The following TMTC2 variants were observed in gnomAD, a reference collection of about 807,000 sequenced individuals.
TMTC2 encodes protein O-mannosyl-transferase TMTC2.
A neutral mutation model predicts 82.4 loss-of-function variants in TMTC2; 43 were observed. The ratio of observed to expected loss-of-function variants is 0.52; its 90% CI spans 0.41 to 0.67. The LOEUF is 0.67. TMTC2 is among the 30% of genes least tolerant of loss of function. The pLI is 0.00. For missense variants in TMTC2, 919 were observed against 1,012.4 expected, an observed-to-expected ratio of 0.91 and a Z score of 1.25; for synonymous variants, 408 against 381.9, an observed-to-expected ratio of 1.07 and a Z score of -0.80.
intron 1 of TMTC2, among the ~76,000 whole-genome samples, chr12:82,786,357 G>T (rs539037459): frequency 1.3e-5 from 2 of 152,174 alleles, no homozygotes; most frequent in East Asian, 3.9e-4. Flanking sequence ...TAATGGAAAG[G>T]TATCACAAGG....
At chr12:83,016,590 C>G (rs1220223240) in intron 8 of TMTC2, among the ~76,000 whole-genome samples, 1 of 152,178 alleles carries the variant, frequency 6.6e-6, no homozygotes, top group Non-Finnish European at 1.5e-5. Context: ...TCCAGTGCTG[C>G]ACACAATGCC....
At chr12:82,924,385 A>G (rs1417800347) in intron 3 of TMTC2, among the ~76,000 whole-genome samples, 4 of 152,200 alleles carry the variant, frequency 2.6e-5, no homozygotes, top group African/African-American at 9.7e-5. Context: ...TGGGTTATAC[A>G]GTGACGTTTT....
At chr12:82,917,725 C>T (rs559678158) in intron 3 of TMTC2, among the ~76,000 whole-genome samples, 2 of 151,582 alleles carry the variant, frequency 1.3e-5, no homozygotes, top group Non-Finnish European at 2.9e-5. Flanking sequence ...CCTCAGCCTC[C>T]CCAGTAGCTG....
intron 1 of TMTC2, among the ~76,000 whole-genome samples, chr12:82,700,296 G>A (rs79881973): frequency 0.014 from 2,078 of 152,216 alleles, 43 homozygotes; most frequent in African/African-American, 0.048. Context: ...AACCATACTA[G>A]TGTCTAGGAT....
chr12:82,964,156 T>C (rs1026619120), intron 4 of TMTC2, among the ~76,000 whole-genome samples: 3 of 151,790 alleles, frequency 2.0e-5, no homozygotes, highest in African/African-American at 7.3e-5. Context: ...ATGTGCGGAA[T>C]GTCTGTAAGA....
At chr12:82,737,227 T>C (rs1194583171) in intron 1 of TMTC2, among the ~76,000 whole-genome samples, 1 of 152,230 alleles carries the variant, frequency 6.6e-6, no homozygotes, top group Non-Finnish European at 1.5e-5. Context: ...ATCACATTGA[T>C]GTAATTTAAA....
At chr12:82,897,977 AT>A (rs1873768503) in intron 3 of TMTC2, among the ~76,000 whole-genome samples, 8 of 152,144 alleles carry the variant, frequency 5.3e-5, no homozygotes, top group African/African-American at 1.9e-4. Flanking sequence ...ATATATATAT[AT>A]AAAGACCTAG....
chr12:82,964,257 T>A (rs906574692), intron 4 of TMTC2, among the ~76,000 whole-genome samples: 6 of 152,028 alleles, frequency 3.9e-5, no homozygotes, highest in Non-Finnish European at 8.8e-5. Context: ...CACCTTGTTT[T>A]CATAGACATG....
At chr12:82,767,457 C>G (rs1023201044) in intron 1 of TMTC2, among the ~76,000 whole-genome samples, 2 of 152,090 alleles carry the variant, frequency 1.3e-5, no homozygotes, top group Admixed American at 6.5e-5. Context: ...CGTTGTGGCA[C>G]ACACCTGTGA....
intron 7 of TMTC2, among the ~76,000 whole-genome samples, chr12:82,985,259 C>T (rs1042844170): frequency 1.3e-5 from 2 of 151,892 alleles, no homozygotes; most frequent in Non-Finnish European, 2.9e-5. Flanking sequence ...ACCATGTTGC[C>T]CAGGCTGGTC....
chr12:82,961,124 G>A (rs1877906408), intron 4 of TMTC2, among the ~76,000 whole-genome samples: 1 of 151,218 alleles, frequency 6.6e-6, no homozygotes, highest in Non-Finnish European at 1.5e-5. Flanking sequence ...TAAGATTATT[G>A]TTGAATAATA....
intron 1 of TMTC2, among the ~76,000 whole-genome samples, chr12:82,834,082 A>G (rs1869896143): frequency 6.6e-6 from 1 of 152,262 alleles, no homozygotes; most frequent in African/African-American, 2.4e-5. Flanking sequence ...AATTACTACT[A>G]GAAATATAAT....
intron 2 of TMTC2, among the ~76,000 whole-genome samples, chr12:82,874,036 T>C (rs981357285): frequency 6.6e-6 from 1 of 152,224 alleles, no homozygotes; most frequent in Non-Finnish European, 1.5e-5. Context: ...ATTAAGACAG[T>C]TGCTGATTTA....
intron 1 of TMTC2, among the ~76,000 whole-genome samples, chr12:82,776,021 C>T (rs1370017147): frequency 1.3e-5 from 2 of 151,820 alleles, no homozygotes; most frequent in Admixed American, 6.6e-5. Flanking sequence ...TGTGTGCACC[C>T]GTAAAACCCA....
intron 2 of TMTC2, among the ~76,000 whole-genome samples, chr12:82,880,244 C>T (rs1397031275): frequency 6.6e-6 from 1 of 152,166 alleles, no homozygotes; most frequent in African/African-American, 2.4e-5. Context: ...CCTGATATTA[C>T]TTAAAAGGTA....
chr12:82,753,769 T>G (rs997530362), intron 1 of TMTC2, among the ~76,000 whole-genome samples: 3 of 152,258 alleles, frequency 2.0e-5, no homozygotes, highest in African/African-American at 7.2e-5. Flanking sequence ...TCAAGGATCT[T>G]CTAAAATGCA....
intron 4 of TMTC2, among the ~76,000 whole-genome samples, chr12:82,958,156 T>C (rs1434806606): frequency 6.6e-6 from 1 of 151,910 alleles, no homozygotes; most frequent in African/African-American, 2.4e-5. Flanking sequence ...TGCCCTCAGT[T>C]GTTCAAGACA....
chr12:82,796,740 C>T (rs148986064), intron 1 of TMTC2, among the ~76,000 whole-genome samples: 6 of 152,178 alleles, frequency 3.9e-5, no homozygotes, highest in Admixed American at 3.3e-4. Context: ...TTCTATTAAG[C>T]AGAGTGGTCT....
chr12:82,907,691 C>A (rs1241696864), intron 3 of TMTC2, among the ~76,000 whole-genome samples: 28 of 152,074 alleles, frequency 1.8e-4, no homozygotes, highest in Admixed American at 1.6e-3. Context: ...GCTTTTGAAA[C>A]CTTCAAACCT....
Sources: gnomAD v4.1 joint callset for allele counts (sites outside exome capture counted in the v4.1 genomes callset) on GRCh38, gnomAD v4.1.1 for gene constraint, MANE v1.5 for transcripts, NCBI Gene and HGNC (gene_info 2026-07-23, HGNC 2026-07-21) for gene names.